SPMAP2L: variants seen among roughly 807,000 people sequenced by gnomAD.
SPMAP2L encodes sperm microtubule associated protein 2 like, also known as sperm microtubule associated protein 2-like.
At chr4:56,598,317 C>T in the SPMAP2L span, among the ~76,000 whole-genome samples, 1 of 152,172 alleles carries the variant, frequency 6.6e-6, no homozygotes, top group East Asian at 1.9e-4. Context: ...TTATTCAGCA[C>T]CAACTATGTG....
chr4:56,596,534 C>A, the SPMAP2L span: 5 of 1,531,704 alleles, frequency 3.3e-6, no homozygotes, highest in African/African-American at 1.4e-5. Context: ...ACCCTGAGTG[C>A]GATTGCAACT....
At chr4:56,551,860 G>C in the SPMAP2L span, among the ~76,000 whole-genome samples, 1 of 152,194 alleles carries the variant, frequency 6.6e-6, no homozygotes, top group Non-Finnish European at 1.5e-5. Context: ...TAGCTCTGCT[G>C]TCTAGGATAT....
At chr4:56,583,004 G>A in the SPMAP2L span, among the ~76,000 whole-genome samples, 1 of 152,146 alleles carries the variant, frequency 6.6e-6, no homozygotes, top group African/African-American at 2.4e-5. Context: ...CGGGTGCAGT[G>A]GCTCACACCT....
the SPMAP2L span, among the ~76,000 whole-genome samples, chr4:56,536,583 T>G: frequency 1.3e-5 from 2 of 152,228 alleles, no homozygotes; most frequent in Admixed American, 1.3e-4. Context: ...TTAATTGTTG[T>G]TGAATGAAAG....
chr4:56,604,367 A>C, the SPMAP2L span, among the ~76,000 whole-genome samples: 1 of 152,220 alleles, frequency 6.6e-6, no homozygotes, highest in East Asian at 1.9e-4. Flanking sequence ...TTTATTTAGA[A>C]ATTTAGCTGT....
chr4:56,534,564 C>T, the SPMAP2L span, among the ~76,000 whole-genome samples: 1 of 152,322 alleles, frequency 6.6e-6, no homozygotes, highest in African/African-American at 2.4e-5. Flanking sequence ...CTCAGTTTTT[C>T]CCCTAAACTC....
chr4:56,559,116 T>C, the SPMAP2L span, among the ~76,000 whole-genome samples: 1 of 151,950 alleles, frequency 6.6e-6, no homozygotes, highest in African/African-American at 2.4e-5. Context: ...GTAGTTTTAG[T>C]AGAGACGAGG....
the SPMAP2L span, among the ~76,000 whole-genome samples, chr4:56,598,909 T>TAA: frequency 1.3e-5 from 2 of 152,072 alleles, no homozygotes; most frequent in African/African-American, 2.4e-5. Flanking sequence ...TGATAGTTAG[T>TAA]GAGTTCTCAT....
chr4:56,534,320 G>C, the SPMAP2L span, among the ~76,000 whole-genome samples: 1 of 152,064 alleles, frequency 6.6e-6, no homozygotes, highest in African/African-American at 2.4e-5. Context: ...TATTTTCTTA[G>C]AAGTCTTCTT....
the SPMAP2L span, among the ~76,000 whole-genome samples, chr4:56,536,610 G>T: frequency 1.3e-5 from 2 of 152,236 alleles, no homozygotes; most frequent in South Asian, 2.1e-4. Flanking sequence ...TCATTTGACC[G>T]CTGTGTTACC....
the SPMAP2L span, among the ~76,000 whole-genome samples, chr4:56,615,748 AAAAC>A: frequency 0.19 from 28,452 of 150,582 alleles, 4,276 homozygotes; most frequent in African/African-American, 0.42. Flanking sequence ...ACTGTATCTC[AAAAC>A]AAACAAACAA....
the SPMAP2L span, among the ~76,000 whole-genome samples, chr4:56,543,085 T>C: frequency 6.6e-6 from 1 of 151,408 alleles, no homozygotes; most frequent in African/African-American, 2.4e-5. Context: ...TATTGCGTTT[T>C]GTGTTTATGT....
chr4:56,623,301 A>T, the SPMAP2L span, among the ~76,000 whole-genome samples: 4 of 152,150 alleles, frequency 2.6e-5, no homozygotes, highest in African/African-American at 9.7e-5. Flanking sequence ...GGGATGACAC[A>T]GCTTCTTTTT....
the SPMAP2L span, among the ~76,000 whole-genome samples, chr4:56,561,218 C>T: frequency 5.9e-5 from 9 of 152,092 alleles, no homozygotes; most frequent in South Asian, 8.3e-4. Flanking sequence ...CACAAGAACG[C>T]CAGTTGTACA....
At chr4:56,587,990 G>A in the SPMAP2L span, among the ~76,000 whole-genome samples, 2 of 152,116 alleles carry the variant, frequency 1.3e-5, no homozygotes, top group South Asian at 4.1e-4. Context: ...ACTGTTTTCG[G>A]ATTTTTTGAT....
chr4:56,580,918 T>C, the SPMAP2L span, among the ~76,000 whole-genome samples: 1 of 152,070 alleles, frequency 6.6e-6, no homozygotes, highest in Non-Finnish European at 1.5e-5. Flanking sequence ...ATAAGGAATA[T>C]TGCTCAGCCT....
At chr4:56,595,859 G>A in the SPMAP2L span, among the ~76,000 whole-genome samples, 2 of 152,202 alleles carry the variant, frequency 1.3e-5, no homozygotes, top group East Asian at 1.9e-4. Context: ...CTCTGTCGAG[G>A]TAAATGTAAA....
chr4:56,605,341 G>A, the SPMAP2L span, among the ~76,000 whole-genome samples: 1 of 152,004 alleles, frequency 6.6e-6, no homozygotes, highest in African/African-American at 2.4e-5. Context: ...CTGCTCTCAC[G>A]GACTCTTTAG....
chr4:56,582,170 C>G, the SPMAP2L span, among the ~76,000 whole-genome samples: 3 of 151,992 alleles, frequency 2.0e-5, no homozygotes, highest in Non-Finnish European at 2.9e-5. Context: ...GTTGTCATAT[C>G]TAAGCTCATG....
Sources: allele counts gnomAD v4.1 joint callset (sites outside exome capture counted in the v4.1 genomes callset), GRCh38; gene constraint gnomAD v4.1.1; transcripts MANE v1.5; gene names NCBI Gene and HGNC (gene_info 2026-07-23, HGNC 2026-07-21).